The following BRINP1 variants were observed in gnomAD, a reference collection of about 807,000 sequenced individuals.
BRINP1 encodes BMP/retinoic acid inducible neural specific 1.
A neutral mutation model predicts 72.9 loss-of-function variants in BRINP1; 17 were observed. The observed-to-expected ratio is 0.23, with a 90% CI of 0.16 to 0.35. The LOEUF is 0.35. BRINP1 is among the 10% of genes least tolerant of loss of function. The pLI, the probability that BRINP1 is intolerant of heterozygous loss-of-function variation, is 1.00. For missense variants in BRINP1, 850 were observed against 1,001.6 expected (o/e 0.85, Z 2.04); for synonymous variants, 418 against 378.5 (o/e 1.10, Z -1.21).
intron 1 of BRINP1, among the ~76,000 whole-genome samples, chr9:119,358,966 G>C (rs1005184410): frequency 2.6e-5 from 4 of 152,176 alleles, no homozygotes; most frequent in Non-Finnish European, 5.9e-5. Flanking sequence ...CATTCATTTG[G>C]AAGGCAGTGC....
chr9:119,233,859 C>CT (rs1830168622), intron 5 of BRINP1, among the ~76,000 whole-genome samples: 2 of 152,106 alleles, frequency 1.3e-5, no homozygotes, highest in African/African-American at 4.8e-5. Flanking sequence ...TTTGTTTTTA[C>CT]TTTTTTTTCA....
At chr9:119,234,820 G>C (rs931872556) in intron 5 of BRINP1, among the ~76,000 whole-genome samples, 1 of 152,038 alleles carries the variant, frequency 6.6e-6, no homozygotes, top group Admixed American at 6.6e-5. Flanking sequence ...TAGACAGAAT[G>C]AATCTGAACA....
chr9:119,234,510 T>G (rs2118902879), intron 5 of BRINP1, among the ~76,000 whole-genome samples: 1 of 152,328 alleles, frequency 6.6e-6, no homozygotes, highest in South Asian at 2.1e-4. Context: ...AATATGTATA[T>G]TCTGTATTCT....
At chr9:119,219,742 A>G (rs1157895589) in intron 5 of BRINP1, among the ~76,000 whole-genome samples, 1 of 151,792 alleles carries the variant, frequency 6.6e-6, no homozygotes, top group Non-Finnish European at 1.5e-5. Context: ...CCAGTATTCT[A>G]TGAGAAGTAC....
intron 1 of BRINP1, among the ~76,000 whole-genome samples, chr9:119,341,408 G>A (rs7852375): frequency 0.16 from 24,288 of 152,104 alleles, 2,653 homozygotes; most frequent in African/African-American, 0.31. Flanking sequence ...TCTAACATTT[G>A]TAAATACGGA....
intron 2 of BRINP1, among the ~76,000 whole-genome samples, chr9:119,290,565 C>T (rs1215773001): frequency 6.6e-6 from 1 of 151,916 alleles, no homozygotes; most frequent in East Asian, 1.9e-4. Flanking sequence ...ATGCATTTGG[C>T]AGTTAGGTGC....
chr9:119,286,731 A>C (rs914608553), intron 2 of BRINP1, among the ~76,000 whole-genome samples: 3 of 152,232 alleles, frequency 2.0e-5, no homozygotes, highest in South Asian at 4.1e-4. Flanking sequence ...GTATTTTGAA[A>C]GTTCAGAGAC....
intron 2 of BRINP1, among the ~76,000 whole-genome samples, chr9:119,252,196 G>A (rs1218566650): frequency 2.0e-5 from 3 of 152,136 alleles, no homozygotes; most frequent in African/African-American, 7.2e-5. Flanking sequence ...CCGAGGAAAT[G>A]AGGCCTTGCA....
intron 2 of BRINP1, among the ~76,000 whole-genome samples, chr9:119,275,525 G>C: frequency 6.6e-6 from 1 of 152,138 alleles, no homozygotes; most frequent in Non-Finnish European, 1.5e-5. Flanking sequence ...CAGCTGGGGA[G>C]GTTTCATGTA....
At chr9:119,344,056 ATG>A (rs1459600762) in intron 1 of BRINP1, among the ~76,000 whole-genome samples, 2 of 152,180 alleles carry the variant, frequency 1.3e-5, no homozygotes, top group East Asian at 3.9e-4. Context: ...GATGGTACAG[ATG>A]GAGAGAAGCT....
chr9:119,208,513 T>A (rs903195873), intron 7 of BRINP1, among the ~76,000 whole-genome samples: 5 of 152,116 alleles, frequency 3.3e-5, no homozygotes, highest in Non-Finnish European at 5.9e-5. Flanking sequence ...CATGGTACAT[T>A]CAGGAAACAA....
At chr9:119,253,890 T>C (rs1189351253) in intron 2 of BRINP1, among the ~76,000 whole-genome samples, 9 of 152,144 alleles carry the variant, frequency 5.9e-5, no homozygotes, top group African/African-American at 2.2e-4. Context: ...TAAACTCTGT[T>C]CTCACTGGCC....
At chr9:119,193,485 G>T (rs1288112269) in intron 7 of BRINP1, among the ~76,000 whole-genome samples, 1 of 152,112 alleles carries the variant, frequency 6.6e-6, no homozygotes, top group African/African-American at 2.4e-5. Flanking sequence ...TAACAAATAA[G>T]TAGGATGAAC....
chr9:119,175,129 A>T (rs1564209519), intron 7 of BRINP1, among the ~76,000 whole-genome samples: 1 of 150,462 alleles, frequency 6.6e-6, no homozygotes, highest in Non-Finnish European at 1.5e-5. Context: ...TAAAAAAAAA[A>T]AAAGACAAAA....
intron 1 of BRINP1, among the ~76,000 whole-genome samples, chr9:119,357,246 TGCACGTGC>T (rs1831578087): frequency 6.6e-6 from 1 of 152,160 alleles, no homozygotes; most frequent in Non-Finnish European, 1.5e-5. Flanking sequence ...CATGCACGTG[TGCACGTGC>T]ATGTGTGTGT....
In BRINP1 at chr9:119,369,414, G is replaced by T; in HGVS notation, c.-409C>A. The T allele has an allele frequency of 2.5e-6, 1 of 395,970 alleles. No homozygotes were observed. The highest frequency in any genetic ancestry group is 1.4e-4 in the South Asian group (1 of 7,228). 24.5% of individuals were successfully genotyped at this position (395,970 alleles called of 1,614,324 possible). A position where few individuals can be genotyped will look rare whatever the true frequency, so the allele number is the denominator to read the frequency against. The stretch of plus-strand genomic sequence containing the variant: ...AGATCAGTTTGCAGCCGTGGGGTCC[G>T]GGAGCGAGGCGGCTGGCGAATGGAG... On this transcript the variant is annotated 5_prime_UTR_variant, in exon 1 of 8. Transcript: ENST00000265922.
intron 2 of BRINP1, among the ~76,000 whole-genome samples, chr9:119,271,533 A>G (rs1301675762): frequency 6.6e-6 from 1 of 152,132 alleles, no homozygotes; most frequent in Non-Finnish European, 1.5e-5. Flanking sequence ...TGTATTATTT[A>G]TATAATACAT....
chr9:119,310,765 A>G (rs992253524), intron 2 of BRINP1, among the ~76,000 whole-genome samples: 1 of 152,130 alleles, frequency 6.6e-6, no homozygotes, highest in African/African-American at 2.4e-5. Flanking sequence ...TGTCCATGCT[A>G]GCATACAGGA....
chr9:119,238,602 C>T, intron 5 of BRINP1, 53 bp downstream of exon 5: 1 of 1,082,468 alleles, frequency 9.2e-7, no homozygotes, highest in Non-Finnish European at 1.4e-6. Context: ...TCCCACATAT[C>T]ACATCCATGA....
Sources: allele counts gnomAD v4.1 joint callset (sites outside exome capture counted in the v4.1 genomes callset), GRCh38; gene constraint gnomAD v4.1.1; transcripts MANE v1.5; gene names NCBI Gene and HGNC (gene_info 2026-07-23, HGNC 2026-07-21).